The following SNX9 variants were observed in gnomAD, a reference collection of about 807,000 sequenced individuals.
SNX9 encodes sorting nexin 9, also known as sorting nexin-9.
A neutral mutation model predicts 89.4 loss-of-function variants in SNX9; 44 were observed. The observed-to-expected ratio is 0.49, with a 90% CI of 0.39 to 0.63. The LOEUF is 0.63. Ranked by LOEUF, SNX9 falls within the 30% of genes least tolerant of loss-of-function variation. SNX9 has a pLI of 0.00. For missense variants in SNX9, 578 were observed against 736.1 expected (o/e 0.79, Z 2.49); for synonymous variants, 236 against 247.8 (o/e 0.95, Z 0.45).
chr6:157,873,218 C>A, intron 3 of SNX9, 42 bp downstream of exon 3: 1 of 1,453,342 alleles, frequency 6.9e-7, no homozygotes, highest in Non-Finnish European at 9.2e-7. Context: ...CTCATCTTTG[C>A]CAGGCATCTT....
At chr6:157,825,870 C>T (rs2115099828) in intron 1 of SNX9, among the ~76,000 whole-genome samples, 1 of 152,228 alleles carries the variant, frequency 6.6e-6, no homozygotes, top group Middle Eastern at 3.4e-3. Context: ...TCTTTGTCTT[C>T]TTCAAGGGGT....
rs773234322 is a variant in SNX9 at position 157,910,023 on chromosome 6, C to T, written c.947C>T (p.Thr316Ile). The T allele has an allele frequency of 6.2e-7, 1 of 1,610,142 alleles. No individual in the cohort carries two copies. The highest frequency in any genetic ancestry group is 1.7e-5 in the Admixed American group (1 of 60,010). ...PIPSLPDKQVTGRFEEEFIKM... is the reference protein window; with the variant it reads ...PIPSLPDKQVIGRFEEEFIKM... Reference sequence around the variant, plus strand: ...CCTTCTCTTCCAGACAAACAAGTCACAGGTGAGTGTGTGTAATGCTAAACC... The same window carrying T: ...CCTTCTCTTCCAGACAAACAAGTCATAGGTGAGTGTGTGTAATGCTAAACC... The change falls in exon 9 of 18, where the codon ACA becomes ATA. Residue 316 changes from threonine (T) to isoleucine (I), a missense_variant and splice_region_variant. Around this residue, in one of 2 missense-constraint regions of SNX9, gnomAD observed 348 missense variants for 491.4 expected, o/e 0.71. Coordinates refer to ENST00000392185, the MANE Select transcript of SNX9 (RefSeq NM_016224.5).
intron 1 of SNX9, among the ~76,000 whole-genome samples, chr6:157,839,777 T>TTTAGGCCTTTCCTCC (rs553299586): frequency 4.9e-4 from 74 of 152,300 alleles, no homozygotes; most frequent in African/African-American, 8.2e-4. Context: ...CAGTCTCCTC[T>TTTAGGCCTTTCCTCC]TTAGGCCTTT....
chr6:157,836,432 C>G (rs1230223647), intron 1 of SNX9, among the ~76,000 whole-genome samples: 2 of 152,082 alleles, frequency 1.3e-5, no homozygotes, highest in African/African-American at 4.8e-5. Flanking sequence ...AAATTGAACT[C>G]TTGCTAAAGT....
rs780185807 is a variant in SNX9, at chr6:157,937,534, C to T, written c.1533+11C>T. The T allele has an allele frequency of 5.0e-6, 8 of 1,602,350 alleles. No individual in the cohort carries two copies. The highest frequency in any genetic ancestry group is 3.3e-5 in the Admixed American group (2 of 59,896). On this transcript the variant is annotated intron_variant, in intron 15 of 17. Coordinates refer to ENST00000392185, the MANE Select transcript of SNX9 (RefSeq NM_016224.5). ...ATTGGCACTCACAAGGTAACCTGAT[C>T]GTAGACATTTATAGAAGACAACAGC...
Position 157,921,601 on chromosome 6 carries a change from C to T in SNX9, c.1020C>T (p.Arg340=), listed in dbSNP as rs1361573682. 18 of 1,613,510 alleles carry T rather than the reference C, an allele frequency of 1.1e-5. No homozygotes were observed. The highest frequency in any genetic ancestry group is 3.3e-4 in the Middle Eastern group (2 of 6,082). ...RLQAWMTRMC[R]HPVISESEVF... ...AGGCCTGGATGACCAGGATGTGTCGCCATCCAGTAATCTCAGAAAGTGAAG... is the reference window on the plus strand; with the variant it reads ...AGGCCTGGATGACCAGGATGTGTCGTCATCCAGTAATCTCAGAAAGTGAAG... Residue 340 remains arginine (R), a synonymous_variant, in exon 10 of 18, where the codon CGC becomes CGT. Coordinates refer to ENST00000392185, the MANE Select transcript of SNX9 (RefSeq NM_016224.5).
At chr6:157,869,430 GCCTACTC>G (rs1782342648) in intron 2 of SNX9, among the ~76,000 whole-genome samples, 1 of 152,144 alleles carries the variant, frequency 6.6e-6, no homozygotes, top group African/African-American at 2.4e-5. Context: ...GTGATGCTCA[GCCTACTC>G]CTACTTCTCT....
Position 157,896,840 on chromosome 6 carries a change from A to G in SNX9, c.314A>G (p.Asn105Ser), listed in dbSNP as rs562470020. 1.6e-4 allele frequency: 256 copies of G among 1,612,468 alleles called. 1 individual carries two copies. The South Asian group carries it at 2.5e-3, about 15-fold the overall frequency. Residue 105 changes from asparagine to serine, a missense_variant, in exon 5 of 18, where the codon AAT (asparagine) becomes AGT (serine). Physicochemically the swap from Asn to Ser is conservative, Grantham distance 46 (BLOSUM62 1). This residue lies in a region of SNX9 where 230 missense variants were observed against 244.7 expected (regional missense o/e 0.94). Coordinates refer to ENST00000392185, the MANE Select transcript of SNX9 (RefSeq NM_016224.5). ...ASNNHQVGSG[N>S]DPWSAWSASK... ...CCCTCTCAATAGGTTGGCAGTGGCA[A>G]TGACCCCTGGTCAGCCTGGAGTGCC...
At chr6:157,861,761 A>G (rs1224260334) in intron 1 of SNX9, among the ~76,000 whole-genome samples, 1 of 152,206 alleles carries the variant, frequency 6.6e-6, no homozygotes, top group African/African-American at 2.4e-5. Flanking sequence ...ATATATGCCT[A>G]TGACAAAGTT....
Position 157,921,669 on chromosome 6 carries a change from A to G in SNX9, c.1080+8A>G, listed in dbSNP as rs759537746. 5.6e-6 allele frequency: 9 copies of G among 1,612,532 alleles called. No homozygotes were observed. In the South Asian group the frequency reaches 8.8e-5, roughly 16 times the overall value. ...AATTTCCGAGATGAGAAGGTAGGAC[A>G]TTGTGTTAATATGGCATCAGAGAAT... On this transcript the variant is annotated splice_region_variant and intron_variant, in intron 10 of 17. Transcript: ENST00000392185.
intron 11 of SNX9, among the ~76,000 whole-genome samples, chr6:157,927,958 C>A (rs1232488032): frequency 1.3e-5 from 2 of 151,306 alleles, no homozygotes; most frequent in Non-Finnish European, 3.0e-5. Context: ...CACACATAAC[C>A]CTTCAACCAC....
At chr6:157,842,284 CAG>C (rs1408427166) in intron 1 of SNX9, among the ~76,000 whole-genome samples, 1 of 152,290 alleles carries the variant, frequency 6.6e-6, no homozygotes, top group East Asian at 1.9e-4. Context: ...TAATGTAAAA[CAG>C]ATTTGCCACA....
intron 3 of SNX9, among the ~76,000 whole-genome samples, chr6:157,873,955 G>T (rs116227198): frequency 6.6e-6 from 1 of 152,178 alleles, no homozygotes; most frequent in African/African-American, 2.4e-5. Flanking sequence ...CCTCCAAACC[G>T]AGCGAAGGTT....
At chr6:157,882,807 G>A (rs1049938340) in intron 4 of SNX9, among the ~76,000 whole-genome samples, 1 of 152,134 alleles carries the variant, frequency 6.6e-6, no homozygotes, top group African/African-American at 2.4e-5. Context: ...CAAAGAAAGT[G>A]GTTTCCTGAG....
intron 12 of SNX9, 48 bp downstream of exon 12, chr6:157,928,750 G>C: frequency 1.4e-6 from 2 of 1,427,840 alleles, no homozygotes; most frequent in Non-Finnish European, 1.9e-6. Flanking sequence ...GGTGATGCAG[G>C]CTCAGTTTTA....
At chr6:157,826,504 A>G (rs1443764906) in intron 1 of SNX9, among the ~76,000 whole-genome samples, 1 of 131,306 alleles carries the variant, frequency 7.6e-6, no homozygotes, top group Non-Finnish European at 1.5e-5. Context: ...CATCTCAAGA[A>G]AAAAAAAAAA....
chr6:157,894,979 G>A (rs1204672610), intron 4 of SNX9, among the ~76,000 whole-genome samples: 2 of 152,204 alleles, frequency 1.3e-5, no homozygotes, highest in Non-Finnish European at 2.9e-5. Context: ...AAGATGAAGG[G>A]ACACATTGGG....
At chr6:157,833,758 A>G (rs956992999) in intron 1 of SNX9, among the ~76,000 whole-genome samples, 1 of 152,172 alleles carries the variant, frequency 6.6e-6, no homozygotes, top group African/African-American at 2.4e-5. Flanking sequence ...CATGACTCAG[A>G]TTTTAGAGTC....
intron 1 of SNX9, among the ~76,000 whole-genome samples, chr6:157,856,344 C>T (rs1782011644): frequency 6.6e-6 from 1 of 152,172 alleles, no homozygotes; most frequent in Non-Finnish European, 1.5e-5. Context: ...AGCTCATAGC[C>T]TTATTTCATC....
Sources: gnomAD v4.1 joint callset for allele counts (sites outside exome capture counted in the v4.1 genomes callset) on GRCh38, gnomAD v4.1.1 for gene constraint, gnomAD v4.1.1 regional missense constraint, MANE v1.5 for transcripts, NCBI Gene and HGNC (gene_info 2026-07-23, HGNC 2026-07-21) for gene names.